Variants in ZBTB8A observed in about 807,000 individuals in gnomAD.
The protein encoded by ZBTB8A is zinc finger and BTB domain-containing protein 8A.
In ZBTB8A, 19 loss-of-function variants were observed where a neutral mutation model predicts 37.8. The observed-to-expected ratio is 0.50, with a 90% CI of 0.35 to 0.74. ZBTB8A has a LOEUF of 0.74. ZBTB8A is among the 30% of genes least tolerant of loss of function. ZBTB8A has a pLI of 0.01. For synonymous variants in ZBTB8A, 181 were observed against 185.2 expected, an observed-to-expected ratio of 0.98 and a Z score of 0.19; for missense variants, 394 against 537.8, an observed-to-expected ratio of 0.73 and a Z score of 2.65.
In ZBTB8A at chr1:32,601,746, A is replaced by G. The variant is rs370372332; in HGVS notation, c.*1327A>G. 12 of 398,310 alleles carry G rather than the reference A, an allele frequency of 3.0e-5. No homozygotes were observed. The highest frequency in any genetic ancestry group is 1.6e-4 in the African/African-American group (8 of 48,640). 24.7% of individuals were successfully genotyped at this position (398,310 alleles called of 1,614,324 possible). A position where few individuals can be genotyped will look rare whatever the true frequency, so the allele number is the denominator to read the frequency against. ...CAAAGAATAGAAGTCAAACCTCACC[A>G]GTTGGCAGTCATTATAAAAATAAGC... is the stretch of plus-strand genomic sequence containing the variant. On this transcript the variant is annotated 3_prime_UTR_variant, in exon 5 of 5. Transcript: ENST00000373510.
chr1:32,561,339 G>A (rs1283585675), intron 2 of ZBTB8A, among the ~76,000 whole-genome samples: 2 of 152,144 alleles, frequency 1.3e-5, no homozygotes, highest in East Asian at 1.9e-4. Flanking sequence ...ACGAAGCAAC[G>A]TACGTTGATT....
chr1:32,589,443 G>A (rs1159146549), intron 2 of ZBTB8A, among the ~76,000 whole-genome samples: 1 of 151,976 alleles, frequency 6.6e-6, no homozygotes, highest in Admixed American at 6.6e-5. Flanking sequence ...TAGAGATAGG[G>A]GTTCACCATG....
intron 2 of ZBTB8A, among the ~76,000 whole-genome samples, chr1:32,578,231 A>ATTTT (rs561875455): frequency 5.2e-4 from 70 of 135,082 alleles, no homozygotes; most frequent in African/African-American, 1.9e-3. Context: ...CTCCTGGCTA[A>ATTTT]TTTTTTTTTT....
In ZBTB8A at chr1:32,601,760, A is replaced by G. The variant is rs1439116573; in HGVS notation, c.*1341A>G. The G allele has an allele frequency of 7.5e-6, 3 of 398,210 alleles. No individual in the cohort carries two copies. Among genetic ancestry groups the G allele is most frequent in the African/African-American group, 2.1e-5 (1 of 48,632 alleles). The allele number at this position is 398,210 out of a possible 1,614,324, so 24.7% of individuals were successfully genotyped here. A position where few individuals can be genotyped will look rare whatever the true frequency, so the allele number is the denominator to read the frequency against. ...CAAACCTCACCAGTTGGCAGTCATTATAAAAATAAGCCAATCAGAATTAGA... is the reference window on the plus strand; with the variant it reads ...CAAACCTCACCAGTTGGCAGTCATTGTAAAAATAAGCCAATCAGAATTAGA... On this transcript the variant is annotated 3_prime_UTR_variant, in exon 5 of 5. Coordinates refer to ENST00000373510, the MANE Select transcript of ZBTB8A (RefSeq NM_001040441.3).
At chr1:32,582,629 G>A (rs1004378298) in intron 2 of ZBTB8A, among the ~76,000 whole-genome samples, 3 of 151,672 alleles carry the variant, frequency 2.0e-5, no homozygotes, top group African/African-American at 7.3e-5. Flanking sequence ...GGCAACAGGA[G>A]TGAAACTCTC....
rs1644567322 is a variant in ZBTB8A, at chr1:32,600,464, G to A, written c.*45G>A. ...AGCTGGCATGTCTGCAATTTACATT[G>A]ACTTCCTGTATCTCTCTCTTTCTAT... On this transcript the variant is annotated 3_prime_UTR_variant, in exon 5 of 5. Coordinates refer to ENST00000373510, the MANE Select transcript of ZBTB8A (RefSeq NM_001040441.3). 2.2e-6 allele frequency: 3 copies of A among 1,392,770 alleles called. No homozygotes were observed. Among genetic ancestry groups the A allele is most frequent in the Non-Finnish European group, 3.0e-6 (3 of 1,009,884 alleles). 86.3% of individuals were successfully genotyped at this position (1,392,770 alleles called of 1,614,324 possible).
chr1:32,601,509 C>T lies in ZBTB8A; in HGVS notation c.*1090C>T, dbSNP rs1382609404. The T allele has an allele frequency of 5.0e-6, 2 of 396,838 alleles. No homozygotes were observed. Among genetic ancestry groups the T allele is most frequent in the South Asian group, 1.3e-4 (1 of 7,744 alleles). The allele number at this position is 396,838 out of a possible 1,614,324, so 24.6% of individuals were successfully genotyped here. ...AGGAAAACAAACTAGGAGGTTCTTA[C>T]CATATGTGAGTGATTTCTAACGTTT... On this transcript the variant is annotated 3_prime_UTR_variant, in exon 5 of 5. Transcript: ENST00000373510.
chr1:32,596,713 A>G (rs1219647293), intron 4 of ZBTB8A, among the ~76,000 whole-genome samples: 1 of 152,236 alleles, frequency 6.6e-6, no homozygotes, highest in East Asian at 1.9e-4. Context: ...CACGTAAAGC[A>G]TAATTATGTA....
intron 1 of ZBTB8A, among the ~76,000 whole-genome samples, chr1:32,544,010 C>T (rs886685167): frequency 1.3e-5 from 2 of 152,188 alleles, no homozygotes; most frequent in Admixed American, 6.5e-5. Flanking sequence ...CTCACTGTCA[C>T]CCATACTGGA....
intron 2 of ZBTB8A, among the ~76,000 whole-genome samples, chr1:32,591,105 C>T (rs191662929): frequency 1.2e-3 from 170 of 140,798 alleles, no homozygotes; most frequent in South Asian, 9.6e-3. Context: ...AACAGGGTTT[C>T]GCCATGTTGG....
chr1:32,592,958 C>T lies in ZBTB8A; in HGVS notation c.27C>T (p.His9=), dbSNP rs372058799. The change falls in exon 3 of 5, where the codon CAC becomes CAT. Residue 9 remains histidine (H), a synonymous_variant. Coordinates refer to ENST00000373510, the MANE Select transcript of ZBTB8A (RefSeq NM_001040441.3). MEISSHQS[H]LLQQLNEQRR... ...TGGAGATCTCCTCTCATCAGTCTCACCTCCTGCAGCAACTGAACGAGCAGC... is the reference window on the plus strand; with the variant it reads ...TGGAGATCTCCTCTCATCAGTCTCATCTCCTGCAGCAACTGAACGAGCAGC... 4 of 1,612,706 alleles carry T rather than the reference C, an allele frequency of 2.5e-6. No individual in the cohort carries two copies. Among genetic ancestry groups the T allele is most frequent in the Non-Finnish European group, 2.5e-6 (3 of 1,179,212 alleles).
intron 1 of ZBTB8A, among the ~76,000 whole-genome samples, chr1:32,543,886 C>G (rs1644079624): frequency 1.3e-5 from 2 of 152,130 alleles, no homozygotes; most frequent in African/African-American, 4.8e-5. Context: ...CCGTGTTCGC[C>G]AGGATGGTCT....
At chr1:32,548,901 A>G (rs1428857165) in intron 1 of ZBTB8A, among the ~76,000 whole-genome samples, 1 of 151,932 alleles carries the variant, frequency 6.6e-6, no homozygotes, top group Non-Finnish European at 1.5e-5. Context: ...AAAAAGAAAT[A>G]CCTGGCCGGG....
At chr1:32,554,958 C>G (rs1644189172) in intron 2 of ZBTB8A, among the ~76,000 whole-genome samples, 1 of 152,164 alleles carries the variant, frequency 6.6e-6, no homozygotes, top group African/African-American at 2.4e-5. Flanking sequence ...AGCCTAGAAA[C>G]ATGAGTTACT....
intron 4 of ZBTB8A, among the ~76,000 whole-genome samples, chr1:32,595,537 G>C (rs1644523526): frequency 6.6e-6 from 1 of 151,544 alleles, no homozygotes; most frequent in Non-Finnish European, 1.5e-5. Flanking sequence ...AAAAGTGCTG[G>C]GATTACAGGC....
intron 2 of ZBTB8A, among the ~76,000 whole-genome samples, chr1:32,556,949 T>C (rs12133164): frequency 0.13 from 20,154 of 152,084 alleles, 1,573 homozygotes; most frequent in African/African-American, 0.23. Context: ...ACTTTCTTAA[T>C]TTTCCGTGTC....
chr1:32,543,399 T>TA (rs113012533), intron 1 of ZBTB8A, among the ~76,000 whole-genome samples: 100 of 152,276 alleles, frequency 6.6e-4, no homozygotes, highest in African/African-American at 2.3e-3. Flanking sequence ...ATATAACTCT[T>TA]ACGCCATAAA....
rs1032311802 is a variant in ZBTB8A at position 32,553,065 on chromosome 1, T to C, written c.-83-394T>C. Reference sequence around the variant, plus strand: ...GTATCTGACAGAGGCTCTTATATAATTTTTTTTTTTTTGAGACGAAGTCTT... The same window carrying C: ...GTATCTGACAGAGGCTCTTATATAACTTTTTTTTTTTTGAGACGAAGTCTT... On this transcript the variant is annotated intron_variant, in intron 1 of 4. Coordinates refer to ENST00000373510, the MANE Select transcript of ZBTB8A (RefSeq NM_001040441.3). 3.4e-5 allele frequency among the ~76,000 whole-genome samples: 5 copies of C among 145,844 alleles called. 1 individual carries two copies. The highest frequency in any genetic ancestry group is 7.6e-5 in the Non-Finnish European group (5 of 65,992).
At chr1:32,544,149 A>G (rs548447184) in intron 1 of ZBTB8A, among the ~76,000 whole-genome samples, 2 of 152,318 alleles carry the variant, frequency 1.3e-5, no homozygotes, top group East Asian at 3.9e-4. Flanking sequence ...GAGGTTTTTA[A>G]GGTTCACCCA....
Sources: allele counts gnomAD v4.1 joint callset (sites outside exome capture counted in the v4.1 genomes callset), GRCh38; gene constraint gnomAD v4.1.1; transcripts MANE v1.5; gene names NCBI Gene and HGNC (gene_info 2026-07-23, HGNC 2026-07-21).